NIBAN1: variants seen among roughly 807,000 people sequenced by gnomAD.
NIBAN1 encodes the protein niban apoptosis regulator 1, also known as protein Niban 1.
Under a neutral mutation model 75.1 loss-of-function variants are expected in NIBAN1, and 81 were observed. That is an observed-to-expected ratio of 1.08 (90% CI 0.90 to 1.30). The LOEUF (loss-of-function observed/expected upper bound fraction) is 1.30. NIBAN1 is among the 50% of genes most tolerant of loss of function. The pLI is 0.00. For synonymous variants in NIBAN1, 436 were observed against 424.8 expected, an observed-to-expected ratio of 1.03 and a Z score of -0.32; for missense variants, 1,133 against 1,128.1, an observed-to-expected ratio of 1.00 and a Z score of -0.06.
At chr1:184,965,821 A>G (rs1393680243) in intron 1 of NIBAN1, among the ~76,000 whole-genome samples, 1 of 152,228 alleles carries the variant, frequency 6.6e-6, no homozygotes, top group Non-Finnish European at 1.5e-5. Flanking sequence ...AAAGTTAAAA[A>G]AAAGGATTGA....
At chr1:184,970,397 G>A (rs1256154753) in intron 1 of NIBAN1, among the ~76,000 whole-genome samples, 2 of 152,086 alleles carry the variant, frequency 1.3e-5, no homozygotes, top group Non-Finnish European at 2.9e-5. Flanking sequence ...GTGTGGACTA[G>A]TACGACACAT....
chr1:184,834,441 C>T (rs1655084768), intron 5 of NIBAN1, among the ~76,000 whole-genome samples: 1 of 152,124 alleles, frequency 6.6e-6, no homozygotes, highest in African/African-American at 2.4e-5. Flanking sequence ...CACAGTCTTC[C>T]ATAATGGTTG....
At chr1:184,807,427 C>A (rs568252245) in intron 10 of NIBAN1, among the ~76,000 whole-genome samples, 1 of 152,034 alleles carries the variant, frequency 6.6e-6, no homozygotes, top group Non-Finnish European at 1.5e-5. Context: ...TAATTTAAGC[C>A]AGTGGCTCTC....
Position 184,955,267 on chromosome 1 carries a change from A to G in NIBAN1, c.55+19035T>C, listed in dbSNP as rs544605992. ...TTATATGTCCCTAATGGCTGCTGCAATGGACAAATAGATATAAAAGGCTTC... is the reference window on the plus strand; with the variant it reads ...TTATATGTCCCTAATGGCTGCTGCAGTGGACAAATAGATATAAAAGGCTTC... On this transcript the variant is annotated intron_variant, in intron 1 of 13. Coordinates refer to ENST00000367511, the MANE Select transcript of NIBAN1 (RefSeq NM_052966.4). Among the ~76,000 whole-genome samples, 23 of 149,714 alleles carry G rather than the reference A, an allele frequency of 1.5e-4. No homozygotes were observed. The South Asian group carries it at 4.3e-3, about 28-fold the overall frequency.
chr1:184,842,222 T>C (rs1655305722), intron 5 of NIBAN1, among the ~76,000 whole-genome samples: 1 of 152,210 alleles, frequency 6.6e-6, no homozygotes, highest in Non-Finnish European at 1.5e-5. Flanking sequence ...AGGGAACTGA[T>C]GTACTCTACC....
chr1:184,875,843 T>A (rs541000936), intron 5 of NIBAN1, among the ~76,000 whole-genome samples: 1 of 152,124 alleles, frequency 6.6e-6, no homozygotes, highest in South Asian at 2.1e-4. Flanking sequence ...AAAACAAATA[T>A]ACAATAATCT....
chr1:184,811,783 C>T (rs574694019), intron 9 of NIBAN1, among the ~76,000 whole-genome samples: 3 of 152,272 alleles, frequency 2.0e-5, no homozygotes, highest in Non-Finnish European at 2.9e-5. Context: ...TGAGCCACTG[C>T]GCCCGGCTGC....
rs1653727842 is a variant in NIBAN1, at chr1:184,792,590, C to T, written c.*2387G>A. On this transcript the variant is annotated 3_prime_UTR_variant, in exon 14 of 14. Transcript: ENST00000367511. Reference sequence around the variant, plus strand: ...CTTCCTGCCTTACTGGGCAGTGCATCTGGCCATCTGCCCCTTGGACTTTGG... The same window carrying T: ...CTTCCTGCCTTACTGGGCAGTGCATTTGGCCATCTGCCCCTTGGACTTTGG... 2 of 152,846 alleles carry T rather than the reference C, an allele frequency of 1.3e-5. No homozygotes were observed. Among genetic ancestry groups the T allele is most frequent in the African/African-American group, 4.8e-5 (2 of 41,590 alleles). 9.5% of individuals were successfully genotyped at this position (152,846 alleles called of 1,614,324 possible).
At chr1:184,959,708 AT>A (rs1220534920) in intron 1 of NIBAN1, among the ~76,000 whole-genome samples, 1 of 152,162 alleles carries the variant, frequency 6.6e-6, no homozygotes, top group African/African-American at 2.4e-5. Context: ...TTGCTTTTAA[AT>A]TTTTATTAGA....
At chr1:184,874,503 A>G (rs1442212375) in intron 5 of NIBAN1, among the ~76,000 whole-genome samples, 2 of 152,110 alleles carry the variant, frequency 1.3e-5, no homozygotes, top group Non-Finnish European at 2.9e-5. Context: ...GTGCCATTTC[A>G]TAATGATAAA....
chr1:184,969,460 T>G (rs1281481152), intron 1 of NIBAN1, among the ~76,000 whole-genome samples: 1 of 152,138 alleles, frequency 6.6e-6, no homozygotes, highest in East Asian at 1.9e-4. Flanking sequence ...GGAGAAGAAG[T>G]GCCCTTCACT....
At chr1:184,826,514 G>A (rs116803890) in intron 6 of NIBAN1, among the ~76,000 whole-genome samples, 3,886 of 152,228 alleles carry the variant, frequency 0.026, 129 homozygotes, top group African/African-American at 0.078. Context: ...CACATCTGCC[G>A]AAAGTGTGGT....
chr1:184,911,259 A>G (rs1005568144), intron 1 of NIBAN1, among the ~76,000 whole-genome samples: 2 of 152,256 alleles, frequency 1.3e-5, no homozygotes, highest in Non-Finnish European at 2.9e-5. Context: ...TAGTGCTTCT[A>G]TGTAATAAGT....
chr1:184,899,635 C>T (rs1008411961), intron 1 of NIBAN1, among the ~76,000 whole-genome samples: 3 of 152,010 alleles, frequency 2.0e-5, no homozygotes, highest in African/African-American at 7.2e-5. Flanking sequence ...AATAGACTAT[C>T]GCCATGACCA....
intron 5 of NIBAN1, among the ~76,000 whole-genome samples, chr1:184,869,639 T>C (rs1484831024): frequency 6.6e-6 from 1 of 152,030 alleles, no homozygotes; most frequent in Non-Finnish European, 1.5e-5. Flanking sequence ...CCTCCCATGT[T>C]CAAGCGATTC....
chr1:184,961,699 CATG>C (rs1287653758), intron 1 of NIBAN1, among the ~76,000 whole-genome samples: 1 of 152,180 alleles, frequency 6.6e-6, no homozygotes, highest in African/African-American at 2.4e-5. Context: ...CTAACCAAAT[CATG>C]ATAATTCCAT....
At position 184,974,284 on chromosome 1, in the gene NIBAN1, C is replaced by CCGGG. The variant is rs1553232861; in HGVS notation, c.55+14_55+17dup. On this transcript the variant is annotated intron_variant, in intron 1 of 13. Coordinates refer to ENST00000367511, the MANE Select transcript of NIBAN1 (RefSeq NM_052966.4). ...ACGGGTCAGGGTGCTCCCCAGGCCC[C>CCGGG]CGGGCGGGCGGGCGTACCTCGGATG... 5.2e-6 allele frequency: 8 copies of CCGGG among 1,551,228 alleles called. No individual in the cohort carries two copies. Among genetic ancestry groups the CCGGG allele is most frequent in the East Asian group, 2.4e-5 (1 of 41,096 alleles).
chr1:184,863,477 G>A (rs891416435), intron 5 of NIBAN1, among the ~76,000 whole-genome samples: 2 of 152,016 alleles, frequency 1.3e-5, no homozygotes, highest in Non-Finnish European at 2.9e-5. Context: ...TGTATTTTTG[G>A]TTTACAGATT....
In NIBAN1 at chr1:184,793,777, T is replaced by A. The variant is rs1653758290; in HGVS notation, c.*1200A>T. On this transcript the variant is annotated 3_prime_UTR_variant, in exon 14 of 14. Coordinates refer to ENST00000367511, the MANE Select transcript of NIBAN1 (RefSeq NM_052966.4). ...TGTCTATTTCCATTAAAATGTAAGT[T>A]CTAGGAGGAAGGAACAAAGTTGTTT... 1 of 152,204 alleles carries A rather than the reference T, an allele frequency of 6.6e-6. No individual in the cohort carries two copies. The highest frequency in any genetic ancestry group is 2.1e-4 in the South Asian group (1 of 4,832). The allele number at this position is 152,204 out of a possible 1,614,324, so 9.4% of individuals were successfully genotyped here.
Sources: gnomAD v4.1 joint callset for allele counts (sites outside exome capture counted in the v4.1 genomes callset) on GRCh38, gnomAD v4.1.1 for gene constraint, MANE v1.5 for transcripts, NCBI Gene and HGNC (gene_info 2026-07-23, HGNC 2026-07-21) for gene names.